NTRK2: variants seen among roughly 807,000 people sequenced by gnomAD.
The protein encoded by NTRK2 is neurotrophic receptor tyrosine kinase 2.
NTRK2 carries 13 observed loss-of-function variants against 94.5 expected under a neutral mutation model. That is an observed-to-expected ratio of 0.14 (90% CI 0.09 to 0.22). The LOEUF (loss-of-function observed/expected upper bound fraction) is 0.22. NTRK2 is among the 10% of genes least tolerant of loss of function. NTRK2 has a pLI of 1.00. For synonymous variants in NTRK2, 372 were observed against 407.4 expected (o/e 0.91, Z 1.05); for missense variants, 639 against 1,071.2 (o/e 0.60, Z 5.63).
chr9:84,978,854 A>C (rs1564520651), intron 17 of NTRK2, among the ~76,000 whole-genome samples: 1 of 152,242 alleles, frequency 6.6e-6, no homozygotes, highest in Non-Finnish European at 1.5e-5. Context: ...AGGGCCTTTA[A>C]GCATTATGCT....
At position 85,022,299 on chromosome 9, in the gene NTRK2, G is replaced by A. The variant is rs1016720083; in HGVS notation, c.*862G>A. On this transcript the variant is annotated 3_prime_UTR_variant, in exon 19 of 19. Transcript: ENST00000277120. ...TTTTCCCATCACCAGAAATGATAGC[G>A]TGCAGTAGAGAGCAAAGATGGCTTC... 4.3e-6 allele frequency: 1 copy of A among 233,182 alleles called. No individual in the cohort carries two copies. 14.4% of individuals were successfully genotyped at this position (233,182 alleles called of 1,614,324 possible). A position where few individuals can be genotyped will look rare whatever the true frequency, so the allele number is the denominator to read the frequency against.
chr9:84,922,652 C>T (rs1321164289), intron 14 of NTRK2, among the ~76,000 whole-genome samples: 1 of 152,170 alleles, frequency 6.6e-6, no homozygotes, highest in Non-Finnish European at 1.5e-5. Context: ...TGATGTCTCT[C>T]CCGAGGCCCA....
chr9:84,811,186 A>C, intron 12 of NTRK2: 1 of 1,062,554 alleles, frequency 9.4e-7, no homozygotes, highest in East Asian at 5.1e-5. Context: ...TTAAAAGGTT[A>C]TTTCCTTCAC....
chr9:84,849,518 T>C (rs888053463), intron 12 of NTRK2, among the ~76,000 whole-genome samples: 1 of 152,198 alleles, frequency 6.6e-6, no homozygotes, highest in Non-Finnish European at 1.5e-5. Flanking sequence ...TGGTGAAAAG[T>C]TGCAATCCAT....
chr9:84,758,669 G>A (rs977218831), intron 12 of NTRK2, among the ~76,000 whole-genome samples: 9 of 152,144 alleles, frequency 5.9e-5, no homozygotes, highest in Admixed American at 5.9e-4. Context: ...TGGATTATAG[G>A]CGTGAGCCAC....
At chr9:84,846,292 G>T (rs1025812981) in intron 12 of NTRK2, among the ~76,000 whole-genome samples, 6 of 152,316 alleles carry the variant, frequency 3.9e-5, no homozygotes, top group African/African-American at 1.4e-4. Context: ...CTGAGAAATT[G>T]TCCTTCCTGG....
At chr9:84,846,764 C>G (rs996615293) in intron 12 of NTRK2, among the ~76,000 whole-genome samples, 3 of 152,228 alleles carry the variant, frequency 2.0e-5, no homozygotes, top group Admixed American at 6.5e-5. Flanking sequence ...ACCACACAAG[C>G]CTTGCCATGC....
chr9:84,940,626 A>T (rs1214002669), intron 15 of NTRK2, among the ~76,000 whole-genome samples: 1 of 152,178 alleles, frequency 6.6e-6, no homozygotes, highest in African/African-American at 2.4e-5. Context: ...GGTACAGAAG[A>T]GGCCACCTCT....
intron 14 of NTRK2, among the ~76,000 whole-genome samples, chr9:84,916,375 T>C (rs1366406806): frequency 1.3e-5 from 2 of 152,074 alleles, no homozygotes; most frequent in African/African-American, 2.4e-5. Flanking sequence ...CAAAAAGGGA[T>C]AGGCAGGGTG....
intron 12 of NTRK2, among the ~76,000 whole-genome samples, chr9:84,852,393 G>A (rs1000076418): frequency 6.6e-6 from 1 of 152,214 alleles, no homozygotes; most frequent in Admixed American, 6.5e-5. Context: ...TCCCTGCAGG[G>A]AGCTTCGACA....
intron 2 of NTRK2, among the ~76,000 whole-genome samples, chr9:84,696,359 T>A (rs948800911): frequency 2.6e-5 from 4 of 152,258 alleles, no homozygotes; most frequent in African/African-American, 9.6e-5. Flanking sequence ...ATATGTTGTG[T>A]TCTTGTAATC....
chr9:84,889,232 C>T (rs1394345534), intron 14 of NTRK2, among the ~76,000 whole-genome samples: 6 of 149,798 alleles, frequency 4.0e-5, no homozygotes, highest in South Asian at 2.1e-4. Flanking sequence ...CCTCGTGATC[C>T]GCCCGCCTCG....
intron 11 of NTRK2, 85 bp downstream of exon 11, chr9:84,745,158 C>A: frequency 1.1e-6 from 1 of 902,586 alleles, no homozygotes; most frequent in Non-Finnish European, 1.9e-6. Context: ...TTCAATAAGA[C>A]ACTTTTATTG....
chr9:84,939,051 C>CAAAAAAAAAAAAA (rs138558531), intron 15 of NTRK2, among the ~76,000 whole-genome samples: 20 of 68,328 alleles, frequency 2.9e-4, no homozygotes, highest in East Asian at 9.3e-4. Flanking sequence ...GACCCCAACT[C>CAAAAAAAAAAAAA]AAAAAAAAAA....
chr9:84,837,406 G>A (rs751055207), intron 12 of NTRK2, among the ~76,000 whole-genome samples: 1 of 152,122 alleles, frequency 6.6e-6, no homozygotes, highest in Non-Finnish European at 1.5e-5. Flanking sequence ...TACACTAATG[G>A]TCTGACTTTG....
At chr9:85,010,413 C>A (rs145080680) in intron 17 of NTRK2, among the ~76,000 whole-genome samples, 4 of 152,288 alleles carry the variant, frequency 2.6e-5, no homozygotes, top group African/African-American at 9.6e-5. Flanking sequence ...GTTAGATGGT[C>A]TCTTGGGTTC....
At chr9:84,952,600 C>T (rs1823610251) in intron 16 of NTRK2, among the ~76,000 whole-genome samples, 1 of 152,204 alleles carries the variant, frequency 6.6e-6, no homozygotes, top group African/African-American at 2.4e-5. Flanking sequence ...TGTAGCAGAC[C>T]CACCTACCCA....
chr9:84,937,475 T>C (rs898081116), intron 15 of NTRK2, among the ~76,000 whole-genome samples: 4 of 152,178 alleles, frequency 2.6e-5, no homozygotes, highest in Admixed American at 1.3e-4. Context: ...GAGGGATCCA[T>C]AGGAAGAGAT....
chr9:84,886,293 T>G (rs1682123784), intron 14 of NTRK2, among the ~76,000 whole-genome samples: 1 of 152,230 alleles, frequency 6.6e-6, no homozygotes, highest in Non-Finnish European at 1.5e-5. Flanking sequence ...TGTCTTCCTG[T>G]ATTTTTTCCT....
Sources: gnomAD v4.1 joint callset for allele counts (sites outside exome capture counted in the v4.1 genomes callset) on GRCh38, gnomAD v4.1.1 for gene constraint, MANE v1.5 for transcripts, NCBI Gene and HGNC (gene_info 2026-07-23, HGNC 2026-07-21) for gene names.